Variants in ZNF277 observed in about 807,000 individuals in gnomAD.
ZNF277 encodes nuclear receptor-interacting factor 4.
A neutral mutation model predicts 60.7 loss-of-function variants in ZNF277; 55 were observed. The observed-to-expected ratio is 0.91, with a 90% confidence interval of 0.73 to 1.13. The LOEUF (loss-of-function observed/expected upper bound fraction) is 1.13, where lower values mean the gene tolerates loss of function less well. Ranked by LOEUF, ZNF277 falls within the 50% of genes most tolerant of loss-of-function variation. The pLI, the probability that ZNF277 is intolerant of heterozygous loss-of-function variation, is 0.00. For missense variants in ZNF277, 510 were observed against 523.0 expected, an observed-to-expected ratio of 0.98 and a Z score of 0.24; for synonymous variants, 178 against 179.3, an observed-to-expected ratio of 0.99 and a Z score of 0.06.
chr7:112,286,262 A>G (rs1792061505), intron 1 of ZNF277, among the ~76,000 whole-genome samples: 2 of 152,324 alleles, frequency 1.3e-5, no homozygotes, highest in Middle Eastern at 3.4e-3. Context: ...TGTAATGCAT[A>G]CTTGTGTAAT....
chr7:112,223,607 A>G (rs1822093157), intron 1 of ZNF277, among the ~76,000 whole-genome samples: 1 of 152,176 alleles, frequency 6.6e-6, no homozygotes. Context: ...CCCTCTCAAA[A>G]TGACCCTTCT....
At chr7:112,337,894 C>G in intron 9 of ZNF277, 68 bp downstream of exon 9, 5 of 1,294,224 alleles carry the variant, frequency 3.9e-6, no homozygotes, top group Middle Eastern at 3.9e-4. Context: ...TTGTTGCACC[C>G]TCATCTGCTT....
intron 1 of ZNF277, among the ~76,000 whole-genome samples, chr7:112,221,113 G>T (rs1189403949): frequency 6.6e-6 from 1 of 152,264 alleles, no homozygotes; most frequent in East Asian, 1.9e-4. Context: ...TGTCTGCTGG[G>T]CTCCTGATCC....
chr7:112,315,638 A>G (rs913750291), intron 4 of ZNF277, among the ~76,000 whole-genome samples: 4 of 152,146 alleles, frequency 2.6e-5, no homozygotes, highest in African/African-American at 9.7e-5. Context: ...AATTTCGAAT[A>G]CAGAAAAACA....
intron 1 of ZNF277, among the ~76,000 whole-genome samples, chr7:112,250,714 T>C (rs1351186816): frequency 1.3e-5 from 2 of 152,154 alleles, no homozygotes; most frequent in Admixed American, 6.5e-5. Flanking sequence ...GCCCTGATAA[T>C]GTTTTATTTT....
intron 4 of ZNF277, among the ~76,000 whole-genome samples, chr7:112,311,914 A>T (rs931113088): frequency 2.0e-5 from 3 of 152,228 alleles, no homozygotes; most frequent in Middle Eastern, 3.4e-3. Flanking sequence ...TATCAAGGTA[A>T]CAGCAATAGG....
At chr7:112,241,251 A>G (rs1026393164) in intron 1 of ZNF277, among the ~76,000 whole-genome samples, 7 of 152,180 alleles carry the variant, frequency 4.6e-5, no homozygotes, top group Admixed American at 2.0e-4. Flanking sequence ...AACCAGGTAT[A>G]TGAAAAGGTA....
chr7:112,330,111 C>A lies in ZNF277; in HGVS notation c.696C>A (p.Thr232=). Residue 232 remains threonine (T), a synonymous_variant, in exon 7 of 12, where the codon ACC becomes ACA. Transcript: ENST00000361822. ...TGCAGTGCTTGTACTGTGAGAAGAC[C>A]TTCAGGGACAAAAATACACTTAAAG... ...DNLQCLYCEK[T]FRDKNTLKDH... The A allele has an allele frequency of 6.2e-7, 1 of 1,613,280 alleles. No individual in the cohort carries two copies. Among genetic ancestry groups the A allele is most frequent in the Admixed American group, 1.7e-5 (1 of 59,992 alleles).
intron 6 of ZNF277, 93 bp downstream of exon 6, chr7:112,327,920 G>C (rs1269536254): frequency 1.2e-6 from 1 of 846,100 alleles, no homozygotes; most frequent in African/African-American, 1.7e-5. Context: ...AGTAATTAAA[G>C]AAGTGGGAAT....
intron 1 of ZNF277, among the ~76,000 whole-genome samples, chr7:112,209,076 C>T (rs1454889530): frequency 6.6e-6 from 1 of 152,148 alleles, no homozygotes; most frequent in African/African-American, 2.4e-5. Context: ...AGAAACCCTT[C>T]CACGTCAGTA....
chr7:112,338,577 C>T (rs867055311), intron 9 of ZNF277, among the ~76,000 whole-genome samples: 30 of 152,272 alleles, frequency 2.0e-4, no homozygotes, highest in Middle Eastern at 6.8e-3. Flanking sequence ...ACCATATTCT[C>T]TACTTTCACC....
At chr7:112,339,952 C>G (rs370519265) in intron 10 of ZNF277, 67 bp downstream of exon 10, 22 of 1,439,330 alleles carry the variant, frequency 1.5e-5, no homozygotes, top group East Asian at 1.4e-4. Flanking sequence ...GTAAGCTATG[C>G]CTATGTTCAG....
At chr7:112,274,767 A>G (rs1344477549) in intron 1 of ZNF277, among the ~76,000 whole-genome samples, 2 of 152,218 alleles carry the variant, frequency 1.3e-5, no homozygotes, top group African/African-American at 2.4e-5. Context: ...ACTCTGTCAT[A>G]TCAAATGAAT....
At chr7:112,318,310 A>T in intron 5 of ZNF277, 37 bp downstream of exon 5, 1 of 1,569,344 alleles carries the variant, frequency 6.4e-7, no homozygotes, top group Non-Finnish European at 8.8e-7. Flanking sequence ...TACTGTTTTT[A>T]ATCTGAAAAC....
chr7:112,313,041 A>G (rs796113273), intron 4 of ZNF277, among the ~76,000 whole-genome samples: 3 of 152,220 alleles, frequency 2.0e-5, no homozygotes, highest in African/African-American at 4.8e-5. Context: ...TACTTTGTAG[A>G]CTAAACTTTA....
chr7:112,292,680 G>T (rs80193969), intron 2 of ZNF277, among the ~76,000 whole-genome samples: 1,819 of 152,276 alleles, frequency 0.012, 39 homozygotes, highest in African/African-American at 0.041. Flanking sequence ...GAGCCAGAGA[G>T]ACAAAGTTCA....
chr7:112,259,720 G>T (rs1038343314), intron 1 of ZNF277, among the ~76,000 whole-genome samples: 24 of 152,176 alleles, frequency 1.6e-4, no homozygotes, highest in Non-Finnish European at 2.9e-5. Context: ...AGGATGAAAA[G>T]TTATAAATGT....
At chr7:112,259,264 G>T (rs942578753) in intron 1 of ZNF277, among the ~76,000 whole-genome samples, 2 of 152,082 alleles carry the variant, frequency 1.3e-5, no homozygotes, top group African/African-American at 4.8e-5. Flanking sequence ...GAGTCAAGAT[G>T]TATTACTCTG....
chr7:112,226,089 A>G (rs1822167626), intron 1 of ZNF277, among the ~76,000 whole-genome samples: 1 of 152,166 alleles, frequency 6.6e-6, no homozygotes, highest in Non-Finnish European at 1.5e-5. Context: ...TGTTCCATGG[A>G]ATTTAATTTG....
Sources: gnomAD v4.1 joint callset for allele counts (sites outside exome capture counted in the v4.1 genomes callset) on GRCh38, gnomAD v4.1.1 for gene constraint, MANE v1.5 for transcripts, NCBI Gene and HGNC (gene_info 2026-07-23, HGNC 2026-07-21) for gene names.